The following CAB39L variants were observed in gnomAD, a reference collection of about 807,000 sequenced individuals.
The protein encoded by CAB39L is calcium-binding protein 39-like.
In CAB39L, 23 loss-of-function variants were observed where a neutral mutation model predicts 39.1. The ratio of observed to expected loss-of-function variants is 0.59; its 90% confidence interval spans 0.42 to 0.83. CAB39L has a LOEUF of 0.83. Among genes scored for constraint, CAB39L ranks in the 40% least tolerant of loss-of-function variants. The pLI is 0.00. For synonymous variants in CAB39L, 126 were observed against 137.2 expected, an observed-to-expected ratio of 0.92 and a Z score of 0.57; for missense variants, 366 against 391.9, an observed-to-expected ratio of 0.93 and a Z score of 0.56.
At chr13:49,354,939 A>G (rs1955445985) in intron 6 of CAB39L, among the ~76,000 whole-genome samples, 1 of 152,218 alleles carries the variant, frequency 6.6e-6, no homozygotes, top group Non-Finnish European at 1.5e-5. Flanking sequence ...AAGGGGGAAA[A>G]TGACTTTTGT....
chr13:49,428,577 G>C (rs1338104485), intron 3 of CAB39L, among the ~76,000 whole-genome samples: 1 of 152,172 alleles, frequency 6.6e-6, no homozygotes, highest in Non-Finnish European at 1.5e-5. Flanking sequence ...ATTCCAGGCA[G>C]AGTCTCATTT....
chr13:49,386,801 A>G (rs1956371068), intron 3 of CAB39L, among the ~76,000 whole-genome samples: 1 of 149,106 alleles, frequency 6.7e-6, no homozygotes, highest in African/African-American at 2.5e-5. Flanking sequence ...TCCCAGACTA[A>G]ACACCTCCCC....
chr13:49,411,036 A>T (rs904165139), intron 3 of CAB39L, among the ~76,000 whole-genome samples: 1 of 152,166 alleles, frequency 6.6e-6, no homozygotes, highest in African/African-American at 2.4e-5. Flanking sequence ...TACTCATTCT[A>T]AACATGTCTT....
chr13:49,395,119 A>G (rs909570000), intron 3 of CAB39L, among the ~76,000 whole-genome samples: 8 of 152,204 alleles, frequency 5.3e-5, no homozygotes, highest in African/African-American at 1.9e-4. Context: ...ATAATAGATC[A>G]TGCAAATGCT....
At position 49,376,961 on chromosome 13, in the gene CAB39L, G is replaced by A; in HGVS notation, c.276+6C>T. 2 of 1,592,106 alleles carry A rather than the reference G, an allele frequency of 1.3e-6. No individual in the cohort carries two copies. Among genetic ancestry groups the A allele is most frequent in the Non-Finnish European group, 1.7e-6 (2 of 1,167,816 alleles). Reference sequence around the variant, plus strand: ...CACCACTGACATCCTTTTACAGCTGGCTTACCTCAAAGTCTATCAGCTGCA... The same window carrying A: ...CACCACTGACATCCTTTTACAGCTGACTTACCTCAAAGTCTATCAGCTGCA... On this transcript the variant is annotated splice_donor_region_variant and intron_variant, in intron 5 of 10. Coordinates refer to ENST00000409308, the MANE Select transcript of CAB39L (RefSeq NM_001079670.3).
chr13:49,310,818 G>C lies in CAB39L; in HGVS notation c.1010C>G (p.Pro337Arg), dbSNP rs1953961134. Residue 337 changes from proline (P) to arginine (R), a missense_variant, in exon 11 of 11, where the codon CCT becomes CGT. Physicochemically the swap from Pro to Arg is moderately radical, Grantham distance 103 (BLOSUM62 -2). Coordinates refer to ENST00000409308, the MANE Select transcript of CAB39L (RefSeq NM_001079670.3). ...TGACAGGGGCCGGGGAGCTCTTCAA[G>C]GGGCCGTTTTCTTCAAGTCTCGGAT... Reference protein sequence around the residue: ...KQIRDLKKTAP With the variant: ...KQIRDLKKTAR 1 of 1,613,846 alleles carries C rather than the reference G, an allele frequency of 6.2e-7. No individual in the cohort carries two copies. The highest frequency in any genetic ancestry group is 8.5e-7 in the Non-Finnish European group (1 of 1,179,802).
chr13:49,336,432 AG>A (rs1954849695), intron 9 of CAB39L, among the ~76,000 whole-genome samples: 1 of 152,166 alleles, frequency 6.6e-6, no homozygotes. Context: ...AGATTTTAGG[AG>A]GAATAGCAGC....
At chr13:49,313,863 G>A (rs1327346288) in intron 10 of CAB39L, among the ~76,000 whole-genome samples, 1 of 152,174 alleles carries the variant, frequency 6.6e-6, no homozygotes, top group East Asian at 1.9e-4. Flanking sequence ...TTATGGGGCA[G>A]TGGGGGTTTC....
intron 6 of CAB39L, among the ~76,000 whole-genome samples, chr13:49,359,398 G>A (rs949624841): frequency 6.6e-6 from 1 of 152,066 alleles, no homozygotes. Flanking sequence ...GCAGGAAAAG[G>A]GTAAGTGGGC....
chr13:49,375,489 A>G (rs1956030985), intron 5 of CAB39L, among the ~76,000 whole-genome samples: 1 of 152,198 alleles, frequency 6.6e-6, no homozygotes, highest in Admixed American at 6.5e-5. Flanking sequence ...GGAGAGGGAG[A>G]GTAAGCAAGC....
intron 3 of CAB39L, among the ~76,000 whole-genome samples, chr13:49,387,281 T>C (rs1566109474): frequency 6.6e-6 from 1 of 152,170 alleles, no homozygotes; most frequent in Non-Finnish European, 1.5e-5. Flanking sequence ...ACAAAAGGAA[T>C]GGAGAGGCCT....
rs191179489 is a variant in CAB39L at position 49,357,536 on chromosome 13, G to A, written c.395+2178C>T. On this transcript the variant is annotated intron_variant, in intron 6 of 10. Coordinates refer to ENST00000409308, the MANE Select transcript of CAB39L (RefSeq NM_001079670.3). ...TCCCCAAATTGTCACTAATGATTTC[G>A]TTTGGAGAGATTATGGGATGTACTT... Among the ~76,000 whole-genome samples, 335 of 152,258 alleles carry A rather than the reference G, an allele frequency of 2.2e-3. 2 individuals are homozygous for A. Among genetic ancestry groups the A allele is most frequent in the African/African-American group, 7.7e-3 (319 of 41,544 alleles).
At chr13:49,356,379 T>C (rs1261575498) in intron 6 of CAB39L, among the ~76,000 whole-genome samples, 4 of 152,204 alleles carry the variant, frequency 2.6e-5, no homozygotes, top group African/African-American at 9.6e-5. Context: ...CTGAGAGCTG[T>C]TCAGTGACCT....
At chr13:49,343,687 G>C (rs1955066987) in intron 8 of CAB39L, among the ~76,000 whole-genome samples, 1 of 152,042 alleles carries the variant, frequency 6.6e-6, no homozygotes, top group Non-Finnish European at 1.5e-5. Context: ...AAGGATGCAT[G>C]TTTTGGGAGG....
intron 1 of CAB39L, among the ~76,000 whole-genome samples, chr13:49,440,976 C>T (rs772723218): frequency 1.3e-5 from 2 of 151,818 alleles, no homozygotes; most frequent in Non-Finnish European, 2.9e-5. Context: ...ATGTGGATGC[C>T]TTTTGTTTCT....
intron 10 of CAB39L, 142 bp from the exon 11 acceptor site, chr13:49,311,135 T>C (rs1457185727): frequency 4.4e-6 from 3 of 679,628 alleles, no homozygotes; most frequent in Admixed American, 5.3e-5. Context: ...CCCCTGACTC[T>C]AATTCTCAGT....
chr13:49,355,033 A>G (rs1210430351), intron 6 of CAB39L, among the ~76,000 whole-genome samples: 7 of 152,170 alleles, frequency 4.6e-5, no homozygotes, highest in Non-Finnish European at 7.3e-5. Flanking sequence ...GGCCTCCTCA[A>G]TATAGTCAAG....
chr13:49,382,507 T>C (rs1956270141), intron 4 of CAB39L: 1 of 183,544 alleles, frequency 5.4e-6, no homozygotes, highest in African/African-American at 2.4e-5. Context: ...AAAAACTTTT[T>C]ACCTTTCATG....
At chr13:49,434,046 C>A in intron 2 of CAB39L, 40 bp downstream of exon 2, 1 of 422,600 alleles carries the variant, frequency 2.4e-6, no homozygotes, top group Non-Finnish European at 4.7e-6. Context: ...AGTGTGTATG[C>A]GTGTGCTTGT....
Sources: gnomAD v4.1 joint callset for allele counts (sites outside exome capture counted in the v4.1 genomes callset) on GRCh38, gnomAD v4.1.1 for gene constraint, MANE v1.5 for transcripts, NCBI Gene and HGNC (gene_info 2026-07-23, HGNC 2026-07-21) for gene names.